The following RAB6B variants were observed in gnomAD, a reference collection of about 807,000 sequenced individuals.
The protein encoded by RAB6B is RAB6B, member RAS oncogene family.
Under a neutral mutation model 31.2 loss-of-function variants are expected in RAB6B, and 7 were observed. The ratio of observed to expected loss-of-function variants is 0.22; its 90% CI spans 0.13 to 0.42. The LOEUF is 0.42. RAB6B is among the 10% of genes least tolerant of loss of function. RAB6B has a pLI of 1.00. For synonymous variants in RAB6B, 105 were observed against 104.9 expected (o/e 1.00, Z -0.01); for missense variants, 149 against 280.6 (o/e 0.53, Z 3.35).
chr3:133,825,487 GGAGGC>G lies in RAB6B; in HGVS notation c.*3296_*3300del, dbSNP rs1202358430. The G allele has an allele frequency of 1.3e-5, 2 of 152,222 alleles. No homozygotes were observed. Among genetic ancestry groups the G allele is most frequent in the East Asian group, 3.9e-4 (2 of 5,194 alleles). 9.4% of individuals were successfully genotyped at this position (152,222 alleles called of 1,614,324 possible). On this transcript the variant is annotated 3_prime_UTR_variant, in exon 8 of 8. Coordinates refer to ENST00000285208, the MANE Select transcript of RAB6B (RefSeq NM_016577.4). ...AGAAGAGAGCAGCGATAGATAGCAAGGAGGCCTCTGACCAAGGGAAACTGCTGCCA... is the reference window on the plus strand; with the variant it reads ...AGAAGAGAGCAGCGATAGATAGCAAGCTCTGACCAAGGGAAACTGCTGCCA...
At chr3:133,873,709 G>T (rs911399563) in intron 1 of RAB6B, among the ~76,000 whole-genome samples, 1 of 152,110 alleles carries the variant, frequency 6.6e-6, no homozygotes, top group Non-Finnish European at 1.5e-5. Flanking sequence ...TTAATATATA[G>T]AGAGTTGACC....
Position 133,833,186 on chromosome 3 carries a change from C to T in RAB6B, c.562+1389G>A, listed in dbSNP as rs536205620. 2.0e-5 allele frequency among the ~76,000 whole-genome samples: 3 copies of T among 152,242 alleles called. No individual in the cohort carries two copies. The South Asian group carries it at 6.2e-4, about 32-fold the overall frequency. On this transcript the variant is annotated intron_variant, in intron 7 of 7. Transcript: ENST00000285208. ...ATGTTCCTGGAACCTCAAAGGAGTC[C>T]CATGTGACAGGTGATTCCACAGGGG...
chr3:133,855,625 G>A (rs1228858067), intron 2 of RAB6B, among the ~76,000 whole-genome samples: 1 of 152,192 alleles, frequency 6.6e-6, no homozygotes, highest in Non-Finnish European at 1.5e-5. Context: ...ATGTGTGCCA[G>A]CCCTCCCCTC....
chr3:133,867,651 A>G (rs937897293), intron 1 of RAB6B, among the ~76,000 whole-genome samples: 1 of 152,154 alleles, frequency 6.6e-6, no homozygotes, highest in African/African-American at 2.4e-5. Context: ...GTCCCAGGCC[A>G]AGTCTGGAAT....
At chr3:133,882,174 C>A (rs898357618) in intron 1 of RAB6B, among the ~76,000 whole-genome samples, 3 of 152,176 alleles carry the variant, frequency 2.0e-5, no homozygotes, top group African/African-American at 4.8e-5. Flanking sequence ...CATCCCTTGC[C>A]ACGTGACCCC....
intron 2 of RAB6B, among the ~76,000 whole-genome samples, chr3:133,851,973 A>G (rs935702373): frequency 1.3e-5 from 2 of 152,116 alleles, no homozygotes; most frequent in Non-Finnish European, 2.9e-5. Context: ...AGAAACGACC[A>G]CACTTGGGTG....
rs1333436404 is a variant in RAB6B, at chr3:133,859,447, A to C, written c.129+5137T>G. ...GGGTTGGGGGTGGGTGTCAGGGTCC[A>C]GTGTCCATGAGTGTGTGAGTGTGTC... On this transcript the variant is annotated intron_variant, in intron 2 of 7. Transcript: ENST00000285208. Among the ~76,000 whole-genome samples the C allele has an allele frequency of 2.6e-5, 4 of 152,102 alleles. No homozygotes were observed. The East Asian group carries it at 7.7e-4, about 29-fold the overall frequency.
chr3:133,857,492 C>G (rs1490405470), intron 2 of RAB6B, among the ~76,000 whole-genome samples: 1 of 151,380 alleles, frequency 6.6e-6, no homozygotes, highest in African/African-American at 2.4e-5. Flanking sequence ...TTGGCGTGTG[C>G]CCTCACTCTG....
chr3:133,883,725 C>T (rs539590759), intron 1 of RAB6B, among the ~76,000 whole-genome samples: 7 of 152,268 alleles, frequency 4.6e-5, no homozygotes. Flanking sequence ...CCCCCACTCA[C>T]AGACAGGGTC....
intron 1 of RAB6B, among the ~76,000 whole-genome samples, chr3:133,876,935 G>A (rs559195832): frequency 1.3e-5 from 2 of 152,244 alleles, no homozygotes; most frequent in South Asian, 4.2e-4. Flanking sequence ...TTTAGCTCTG[G>A]TCAAAATGGA....
chr3:133,857,203 C>T (rs757212570), intron 2 of RAB6B, among the ~76,000 whole-genome samples: 1 of 152,068 alleles, frequency 6.6e-6, no homozygotes, highest in African/African-American at 2.4e-5. Flanking sequence ...TCCATCACCT[C>T]GACTTTAATA....
intron 1 of RAB6B, among the ~76,000 whole-genome samples, chr3:133,894,895 T>G (rs1485022339): frequency 6.6e-6 from 1 of 152,156 alleles, no homozygotes; most frequent in Non-Finnish European, 1.5e-5. Flanking sequence ...CCCTTTCGCA[T>G]GGTTCCCAGC....
chr3:133,869,016 G>A (rs1024629811), intron 1 of RAB6B, among the ~76,000 whole-genome samples: 8 of 152,132 alleles, frequency 5.3e-5, no homozygotes, highest in African/African-American at 1.4e-4. Flanking sequence ...GTAGCAAAGC[G>A]GCAGATCCCA....
chr3:133,879,430 T>C (rs1936437635), intron 1 of RAB6B, among the ~76,000 whole-genome samples: 1 of 152,216 alleles, frequency 6.6e-6, no homozygotes. Flanking sequence ...ACTGGAGAAC[T>C]GCTCTGCGCC....
rs906801799 is a variant in RAB6B at position 133,826,217 on chromosome 3, C to A, written c.*2571G>T. On this transcript the variant is annotated 3_prime_UTR_variant, in exon 8 of 8. Coordinates refer to ENST00000285208, the MANE Select transcript of RAB6B (RefSeq NM_016577.4). ...CAGAGGCCAAGGGGCTGGGGAGAAC[C>A]CAAACTCAAAGAGAGGATGTTGTGT... 1.3e-5 allele frequency: 2 copies of A among 152,172 alleles called. No homozygotes were observed. The highest frequency in any genetic ancestry group is 2.9e-5 in the Non-Finnish European group (2 of 68,066). 9.4% of individuals were successfully genotyped at this position (152,172 alleles called of 1,614,324 possible).
intron 1 of RAB6B, among the ~76,000 whole-genome samples, chr3:133,879,048 T>C (rs1414906924): frequency 1.3e-5 from 2 of 152,178 alleles, no homozygotes; most frequent in Non-Finnish European, 2.9e-5. Context: ...TCTTGTGTGA[T>C]CTTGGGTTAG....
chr3:133,889,441 TA>T (rs1397860553), intron 1 of RAB6B, among the ~76,000 whole-genome samples: 19 of 97,920 alleles, frequency 1.9e-4, no homozygotes, highest in African/African-American at 6.0e-4. Context: ...TATATATATA[TA>T]TATTTATTTT....
intron 2 of RAB6B, among the ~76,000 whole-genome samples, chr3:133,863,438 A>G (rs535225628): frequency 1.3e-5 from 2 of 152,318 alleles, no homozygotes; most frequent in East Asian, 1.9e-4. Context: ...TAAATCCAGA[A>G]AGGAGGAGGG....
intron 1 of RAB6B, among the ~76,000 whole-genome samples, chr3:133,866,286 T>C (rs995012505): frequency 6.6e-6 from 1 of 151,944 alleles, no homozygotes; most frequent in Admixed American, 6.5e-5. Flanking sequence ...AATGGGCAAT[T>C]AGGTGGCAGC....
Sources: gnomAD v4.1 joint callset for allele counts (sites outside exome capture counted in the v4.1 genomes callset) on GRCh38, gnomAD v4.1.1 for gene constraint, MANE v1.5 for transcripts, NCBI Gene and HGNC (gene_info 2026-07-23, HGNC 2026-07-21) for gene names.